PSTPIP2: variants seen among roughly 807,000 people sequenced by gnomAD.
The protein encoded by PSTPIP2 is proline-serine-threonine phosphatase interacting protein 2.
Under a neutral mutation model 63.3 loss-of-function variants are expected in PSTPIP2, and 33 were observed. The ratio of observed to expected loss-of-function variants is 0.52; its 90% CI spans 0.40 to 0.70. PSTPIP2 has a LOEUF of 0.70. PSTPIP2 is among the 30% of genes least tolerant of loss of function. The pLI is 0.00. For synonymous variants in PSTPIP2, 125 were observed against 132.7 expected (o/e 0.94, Z 0.40); for missense variants, 312 against 400.7 (o/e 0.78, Z 1.89).
chr18:46,015,751 C>T (rs2051846331), intron 4 of PSTPIP2, 152 bp downstream of exon 4: 3 of 786,560 alleles, frequency 3.8e-6, no homozygotes, highest in Middle Eastern at 3.1e-4. Flanking sequence ...CAGCTCATTT[C>T]GAGCCTGCAG....
intron 5 of PSTPIP2, among the ~76,000 whole-genome samples, chr18:46,006,360 CTTTTTTTTTTTTT>C (rs756384731): frequency 1.7e-5 from 2 of 115,644 alleles, no homozygotes; most frequent in African/African-American, 3.7e-5. Flanking sequence ...AGCCCTGGTA[CTTTTTTTTTTTTT>C]TTTTTTTTTT....
chr18:46,007,520 G>A lies in PSTPIP2; in HGVS notation c.355-1989C>T, dbSNP rs577175456. ...CATGACTGTGTCCCTCTGCCAGGAGGAGAAGCTGGGTTTATTTATTTAATA... is the reference window on the plus strand; with the variant it reads ...CATGACTGTGTCCCTCTGCCAGGAGAAGAAGCTGGGTTTATTTATTTAATA... On this transcript the variant is annotated intron_variant, in intron 5 of 14. Coordinates refer to ENST00000409746, the MANE Select transcript of PSTPIP2 (RefSeq NM_024430.4). Among the ~76,000 whole-genome samples, 9 of 152,366 alleles carry A rather than the reference G, an allele frequency of 5.9e-5. No homozygotes were observed. The South Asian group carries it at 1.9e-3, about 32-fold the overall frequency.
chr18:45,998,966 C>T, intron 7 of PSTPIP2, 127 bp from the exon 8 acceptor site: 1 of 906,026 alleles, frequency 1.1e-6, no homozygotes. Flanking sequence ...GTCCTGTGTA[C>T]ATTTCCCTCA....
Position 46,026,507 on chromosome 18 carries a change from T to A in PSTPIP2, c.135-1821A>T, listed in dbSNP as rs79401091. On this transcript the variant is annotated intron_variant, in intron 2 of 14. Transcript: ENST00000409746. ...AAAGTTTCTCCCATCCTGTCATTTG[T>A]CTTTTCTAAATAATGATTTTACCCA... Among the ~76,000 whole-genome samples the A allele has an allele frequency of 3.1e-3, 469 of 152,354 alleles. 10 individuals carry two copies. In the East Asian group the frequency reaches 0.061, roughly 20 times the overall value.
At chr18:45,994,188 TTAAAA>T (rs1315807124) in intron 9 of PSTPIP2, among the ~76,000 whole-genome samples, 2 of 152,076 alleles carry the variant, frequency 1.3e-5, no homozygotes, top group Non-Finnish European at 1.5e-5. Flanking sequence ...AAAAAAAGGG[TTAAAA>T]TAAAAGTCAT....
Position 46,021,934 on chromosome 18 carries a change from T to C in PSTPIP2, c.212+2675A>G, listed in dbSNP as rs185240341. Among the ~76,000 whole-genome samples the C allele has an allele frequency of 2.6e-3, 392 of 151,366 alleles. 2 individuals are homozygous for C. Among genetic ancestry groups the C allele is most frequent in the African/African-American group, 9.1e-3 (374 of 41,198 alleles). On this transcript the variant is annotated intron_variant, in intron 3 of 14. Coordinates refer to ENST00000409746, the MANE Select transcript of PSTPIP2 (RefSeq NM_024430.4). ...TCATGAAAAGGAACAGAACCAAGTA[T>C]TCTTGGAGAAATATTTGATTCCAGA...
At chr18:45,996,514 C>G (rs1456337970) in intron 9 of PSTPIP2, among the ~76,000 whole-genome samples, 1 of 151,966 alleles carries the variant, frequency 6.6e-6, no homozygotes, top group African/African-American at 2.4e-5. Context: ...GGCAGGATGA[C>G]AGAAACTTAA....
In PSTPIP2 at chr18:45,997,945, A is replaced by T. The variant is rs2051620040; in HGVS notation, c.563-117T>A. On this transcript the variant is annotated intron_variant, in intron 8 of 14. Transcript: ENST00000409746. ...CTCATCCGAGTTGTGCTGAGCTTAC[A>T]AGGCCCCCAGGACTCTGAGCACTGG... 4.8e-6 allele frequency: 4 copies of T among 831,248 alleles called. No individual in the cohort carries two copies. In the Admixed American group the frequency reaches 7.6e-5, roughly 16 times the overall value. The allele number at this position is 831,248 out of a possible 1,614,324, so 51.5% of individuals were successfully genotyped here.
Position 45,993,597 on chromosome 18 carries a change from T to G in PSTPIP2, c.741+8A>C, listed in dbSNP as rs776258890. The G allele has an allele frequency of 1.4e-5, 22 of 1,608,802 alleles. No homozygotes were observed. The highest frequency in any genetic ancestry group is 1.7e-5 in the Non-Finnish European group (20 of 1,175,280). On this transcript the variant is annotated splice_region_variant and intron_variant, in intron 10 of 14. Transcript: ENST00000409746. ...CACGACAATCCTCAGTGGATGCCTC[T>G]GACTTACTTCATCACTGGTGACACA...
chr18:45,986,683 T>C (rs1366330441), intron 14 of PSTPIP2, among the ~76,000 whole-genome samples: 1 of 152,220 alleles, frequency 6.6e-6, no homozygotes, highest in African/African-American at 2.4e-5. Flanking sequence ...TAGCATCTAT[T>C]TGTAGATTTG....
At chr18:46,040,986 C>T (rs1353334051) in intron 1 of PSTPIP2, 1 of 457,166 alleles carries the variant, frequency 2.2e-6, no homozygotes, top group Non-Finnish European at 4.4e-6. Flanking sequence ...GCTACAGGAC[C>T]ATGTAACCTG....
intron 1 of PSTPIP2, among the ~76,000 whole-genome samples, chr18:46,067,027 CAAAA>C (rs35558747): frequency 9.2e-5 from 12 of 130,076 alleles, no homozygotes; most frequent in Admixed American, 1.6e-4. Flanking sequence ...AACTCCATCT[CAAAA>C]AAAAAAAAAA....
chr18:46,005,374 T>C (rs2051714016), intron 6 of PSTPIP2, 95 bp downstream of exon 6: 1 of 1,039,108 alleles, frequency 9.6e-7, no homozygotes, highest in Non-Finnish European at 1.4e-6. Context: ...ATAACATTTT[T>C]GAAATGTTAT....
In PSTPIP2 at chr18:45,992,005, A is replaced by G. The variant is rs931051226; in HGVS notation, c.839-22T>C. Reference sequence around the variant, plus strand: ...GGTGCTAGGAGAGTCACCAAGAAACAGGACATGAAGAGGCAGGCGTCTTTC... The same window carrying G: ...GGTGCTAGGAGAGTCACCAAGAAACGGGACATGAAGAGGCAGGCGTCTTTC... On this transcript the variant is annotated intron_variant, in intron 11 of 14. Coordinates refer to ENST00000409746, the MANE Select transcript of PSTPIP2 (RefSeq NM_024430.4). 1.9e-6 allele frequency: 3 copies of G among 1,602,222 alleles called. No individual in the cohort carries two copies. In the African/African-American group the frequency reaches 4.0e-5, roughly 21 times the overall value.
At chr18:46,021,438 T>TAC (rs1381397898) in intron 3 of PSTPIP2, among the ~76,000 whole-genome samples, 4 of 150,716 alleles carry the variant, frequency 2.7e-5, no homozygotes, top group Non-Finnish European at 5.9e-5. Context: ...TGTATATATA[T>TAC]ATAAAAAACC....
At chr18:46,052,036 C>G (rs1396007810) in intron 1 of PSTPIP2, among the ~76,000 whole-genome samples, 1 of 152,206 alleles carries the variant, frequency 6.6e-6, no homozygotes, top group Non-Finnish European at 1.5e-5. Flanking sequence ...AGGCAGGCAA[C>G]TGCCAGGAAG....
chr18:46,049,617 C>T (rs1908513955), intron 1 of PSTPIP2, among the ~76,000 whole-genome samples: 1 of 152,206 alleles, frequency 6.6e-6, no homozygotes, highest in Non-Finnish European at 1.5e-5. Flanking sequence ...TGAGGTGACT[C>T]ACGCCTGTAA....
intron 14 of PSTPIP2, among the ~76,000 whole-genome samples, chr18:45,987,493 G>T (rs1192631982): frequency 6.8e-6 from 1 of 147,334 alleles, no homozygotes; most frequent in African/African-American, 2.6e-5. Context: ...GTGTAGTTCA[G>T]AAGTGTAGCT....
At chr18:46,066,941 C>T (rs931557384) in intron 1 of PSTPIP2, among the ~76,000 whole-genome samples, 1 of 149,900 alleles carries the variant, frequency 6.7e-6, no homozygotes, top group African/African-American at 2.5e-5. Context: ...GCAGAAGAAT[C>T]GCTTGAACCC....
Sources: allele counts gnomAD v4.1 joint callset (sites outside exome capture counted in the v4.1 genomes callset), GRCh38; gene constraint gnomAD v4.1.1; transcripts MANE v1.5; gene names NCBI Gene and HGNC (gene_info 2026-07-23, HGNC 2026-07-21).